The following ANXA7 variants were observed in gnomAD, a reference collection of about 807,000 sequenced individuals.
ANXA7 encodes annexin A7.
A neutral mutation model predicts 64.9 loss-of-function variants in ANXA7; 55 were observed. That is an observed-to-expected ratio of 0.85 (90% CI 0.68 to 1.06). The LOEUF is 1.06. ANXA7 is among the 50% of genes least tolerant of loss of function. ANXA7 has a pLI of 0.00. For synonymous variants in ANXA7, 200 were observed against 192.4 expected (o/e 1.04, Z -0.33); for missense variants, 548 against 582.1 (o/e 0.94, Z 0.60).
rs547998175 is a variant in ANXA7 at position 73,404,373 on chromosome 10, A to G, written c.-1-3516T>C. ...GGTGCTCATTTCCATTTGGAAAAGT[A>G]AACAATAACCTGCACATCAAGTGAT... On this transcript the variant is annotated intron_variant, in intron 1 of 12. Transcript: ENST00000372921. Among the ~76,000 whole-genome samples, 98 of 152,364 alleles carry G rather than the reference A, an allele frequency of 6.4e-4. 2 individuals carry two copies. The South Asian group carries it at 0.02, about 31-fold the overall frequency.
intron 9 of ANXA7, 29 bp downstream of exon 9, chr10:73,383,146 C>A: frequency 6.4e-7 from 1 of 1,558,512 alleles, no homozygotes; most frequent in Non-Finnish European, 8.7e-7. Flanking sequence ...TTCCCTCTAT[C>A]AACGCACAAG....
chr10:73,378,465 A>T (rs1372660814), intron 12 of ANXA7, among the ~76,000 whole-genome samples: 1 of 151,982 alleles, frequency 6.6e-6, no homozygotes, highest in East Asian at 1.9e-4. Flanking sequence ...ATAAAGTACA[A>T]TTTTTAAAAA....
At position 73,400,940 on chromosome 10, in the gene ANXA7, C is replaced by T. The variant is rs2055653303; in HGVS notation, c.-1-83G>A. The T allele has an allele frequency of 1.5e-5, 18 of 1,211,178 alleles. No individual in the cohort carries two copies. The South Asian group carries it at 2.5e-4, about 17-fold the overall frequency. 75.0% of individuals were successfully genotyped at this position (1,211,178 alleles called of 1,614,324 possible). ...TTTTGTTTTTTGAGACGGAGTCTCA[C>T]TCTGTCACCAGGTTGGAGTGCAGTG... On this transcript the variant is annotated intron_variant, in intron 1 of 12. Transcript: ENST00000372921.
rs1427810057 is a variant in ANXA7 at position 73,403,525 on chromosome 10, TAGTACTTC to T, written c.-1-2676_-1-2669del. On this transcript the variant is annotated intron_variant, in intron 1 of 12. Coordinates refer to ENST00000372921, the MANE Select transcript of ANXA7 (RefSeq NM_001156.5). ...AAAACAACAACAACAAAAAACCACA[TAGTACTTC>T]AGTGTGTGGATGTATCATGGCTTAT... Among the ~76,000 whole-genome samples the T allele has an allele frequency of 2.6e-5, 4 of 152,220 alleles. No individual in the cohort carries two copies. The East Asian group carries it at 5.8e-4, about 22-fold the overall frequency.
chr10:73,385,020 T>C (rs1408398533), intron 7 of ANXA7, among the ~76,000 whole-genome samples: 1 of 152,054 alleles, frequency 6.6e-6, no homozygotes, highest in African/African-American at 2.4e-5. Flanking sequence ...TCAGAGATTC[T>C]GTGTATTTTT....
chr10:73,392,544 A>G (rs1021232894), intron 5 of ANXA7, among the ~76,000 whole-genome samples: 1 of 152,254 alleles, frequency 6.6e-6, no homozygotes, highest in African/African-American at 2.4e-5. Flanking sequence ...AGGCTGGTTC[A>G]ACATATGCAA....
At chr10:73,388,263 A>T (rs2055410358) in intron 6 of ANXA7, 49 bp downstream of exon 6, 1 of 1,367,596 alleles carries the variant, frequency 7.3e-7, no homozygotes, top group African/African-American at 1.4e-5. Flanking sequence ...TTTACTTTAG[A>T]ACTGATTACT....
At chr10:73,376,360 T>G in intron 12 of ANXA7, 143 bp from the exon 13 acceptor site, 1 of 742,572 alleles carries the variant, frequency 1.3e-6, no homozygotes, top group Non-Finnish European at 2.0e-6. Flanking sequence ...TGGCTGGCAC[T>G]CATACCAATG....
rs1412788675 is a variant in ANXA7 at position 73,397,557 on chromosome 10, A to C, written c.260-283T>G. Among the ~76,000 whole-genome samples, 3 of 152,278 alleles carry C rather than the reference A, an allele frequency of 2.0e-5. No individual in the cohort carries two copies. The East Asian group carries it at 5.8e-4, about 29-fold the overall frequency. ...ACTGCAAACTCTACCTACCACGTTCAAGTGATTTTCCTGCCTCAGCCTCCC... is the reference window on the plus strand; with the variant it reads ...ACTGCAAACTCTACCTACCACGTTCCAGTGATTTTCCTGCCTCAGCCTCCC... On this transcript the variant is annotated intron_variant, in intron 3 of 12. Transcript: ENST00000372921.
chr10:73,406,767 C>T (rs139461811), intron 1 of ANXA7, among the ~76,000 whole-genome samples: 3,308 of 152,060 alleles, frequency 0.022, 115 homozygotes, highest in African/African-American at 0.074. Context: ...GACGGGGTTT[C>T]GCCATGCTGC....
intron 7 of ANXA7, among the ~76,000 whole-genome samples, chr10:73,384,784 T>C (rs955412208): frequency 1.3e-5 from 2 of 152,036 alleles, no homozygotes; most frequent in Admixed American, 6.5e-5. Flanking sequence ...GTAAGTAGCA[T>C]AGAAATAAGT....
chr10:73,399,179 G>A (rs181371474), intron 2 of ANXA7, among the ~76,000 whole-genome samples: 10 of 152,272 alleles, frequency 6.6e-5, no homozygotes, highest in Middle Eastern at 3.4e-3. Context: ...AAGGAGCCTG[G>A]AAACCCAAAA....
At chr10:73,388,479 A>C in intron 5 of ANXA7, 65 bp from the exon 6 acceptor site, 1 of 1,178,170 alleles carries the variant, frequency 8.5e-7, no homozygotes, top group Non-Finnish European at 1.3e-6. Context: ...GGAAACTTAA[A>C]GACTTCCCCA....
At position 73,383,417 on chromosome 10, in the gene ANXA7, A is replaced by G. The variant is rs1022438630; in HGVS notation, c.748-72T>C. The G allele has an allele frequency of 3.4e-6, 5 of 1,451,758 alleles. No individual in the cohort carries two copies. In the African/African-American group the frequency reaches 7.1e-5, roughly 21 times the overall value. The allele number at this position is 1,451,758 out of a possible 1,614,324, so 89.9% of individuals were successfully genotyped here. On this transcript the variant is annotated intron_variant, in intron 8 of 12. Coordinates refer to ENST00000372921, the MANE Select transcript of ANXA7 (RefSeq NM_001156.5). ...GCAAGTAATTAAATCTTCGTCAAAT[A>G]TTTCTTTGTTCTGTAGAACTAAAAA...
intron 6 of ANXA7, 80 bp from the exon 7 acceptor site, chr10:73,387,863 T>C: frequency 8.3e-7 from 1 of 1,199,266 alleles, no homozygotes; most frequent in Non-Finnish European, 1.2e-6. Flanking sequence ...TTTTTTTTTT[T>C]TTTTTGAGAC....
chr10:73,398,056 T>C (rs2055603417), intron 3 of ANXA7, 125 bp downstream of exon 3: 1 of 892,068 alleles, frequency 1.1e-6, no homozygotes, highest in Admixed American at 3.0e-5. Context: ...AGGTCCTTAC[T>C]ACCTAAGGTT....
chr10:73,386,360 A>T (rs763460773), intron 7 of ANXA7, among the ~76,000 whole-genome samples: 24 of 152,140 alleles, frequency 1.6e-4, no homozygotes, highest in Non-Finnish European at 2.9e-4. Flanking sequence ...ACTTGCCATT[A>T]TATACTTGGT....
intron 1 of ANXA7, among the ~76,000 whole-genome samples, chr10:73,401,661 G>A (rs544558660): frequency 1.1e-4 from 16 of 152,168 alleles, no homozygotes; most frequent in African/African-American, 3.1e-4. Flanking sequence ...CACCATGCTC[G>A]GCTAATTTTT....
At chr10:73,409,095 T>C (rs1389070214) in intron 1 of ANXA7, among the ~76,000 whole-genome samples, 2 of 152,180 alleles carry the variant, frequency 1.3e-5, no homozygotes, top group Non-Finnish European at 2.9e-5. Flanking sequence ...GCATTCCCCC[T>C]GAGAACAGGA....
Sources: allele counts gnomAD v4.1 joint callset (sites outside exome capture counted in the v4.1 genomes callset), GRCh38; gene constraint gnomAD v4.1.1; transcripts MANE v1.5; gene names NCBI Gene and HGNC (gene_info 2026-07-23, HGNC 2026-07-21).